Variants in SCARF2 observed in about 807,000 individuals in gnomAD.
SCARF2 encodes the protein scavenger receptor expressed by endothelial cells 2 protein.
SCARF2 carries 39 observed loss-of-function variants against 73.4 expected under a neutral mutation model. The ratio of observed to expected loss-of-function variants is 0.53; its 90% CI spans 0.41 to 0.69. The LOEUF (loss-of-function observed/expected upper bound fraction) is 0.69. Among genes scored for constraint, SCARF2 ranks in the 30% least tolerant of loss-of-function variants. The pLI is 0.00. For synonymous variants in SCARF2, 605 were observed against 590.0 expected (o/e 1.03, Z -0.37); for missense variants, 1,148 against 1,303.5 (o/e 0.88, Z 1.84).
At chr22:20,427,581 G>T (rs370255896) in intron 9 of SCARF2, 31 bp from the exon 10 acceptor site, 2 of 1,610,648 alleles carry the variant, frequency 1.2e-6, no homozygotes, top group Admixed American at 1.7e-5. Flanking sequence ...GCTGCCAGGG[G>T]TCCACTCTGC....
intron 4 of SCARF2, 53 bp downstream of exon 4, chr22:20,430,962 CCAT>C (rs751243718): frequency 1.5e-4 from 227 of 1,563,072 alleles, no homozygotes; most frequent in South Asian, 3.2e-4. Flanking sequence ...ACCCCTGTCC[CCAT>C]CGGCGGCCCG....
chr22:20,433,190 C>T (rs75366319), intron 1 of SCARF2, among the ~76,000 whole-genome samples: 3,514 of 152,164 alleles, frequency 0.023, 151 homozygotes, highest in African/African-American at 0.079. Context: ...AGAGAGGGTT[C>T]GTAGGGGATG....
At chr22:20,437,541 G>C in intron 1 of SCARF2, 41 bp downstream of exon 1, 1 of 1,546,656 alleles carries the variant, frequency 6.5e-7, no homozygotes, top group Non-Finnish European at 8.7e-7. Context: ...ACTGCCCAGA[G>C]CGTCCCTCTC....
intron 9 of SCARF2, among the ~76,000 whole-genome samples, chr22:20,428,760 G>T (rs556200810): frequency 6.6e-6 from 1 of 152,158 alleles, no homozygotes; most frequent in Non-Finnish European, 1.5e-5. Flanking sequence ...CCCCTATCCT[G>T]TTGGTGGGTG....
Position 20,426,174 on chromosome 22 carries a change from G to A in SCARF2, c.1802C>T (p.Pro601Leu). The A allele has an allele frequency of 6.6e-7, 1 of 1,504,736 alleles. No individual in the cohort carries two copies. The highest frequency in any genetic ancestry group is 8.8e-7 in the Non-Finnish European group (1 of 1,132,308). The allele number at this position is 1,504,736 out of a possible 1,614,324, so 93.2% of individuals were successfully genotyped here. The change falls in exon 11 of 11, where the codon CCC becomes CTC. Residue 601 changes from proline to leucine, a missense_variant. Pro to Leu is a moderately conservative substitution (Grantham distance 98). Coordinates refer to ENST00000622235, the MANE Select transcript of SCARF2 (RefSeq NM_182895.5). The part of the protein sequence containing the change: ...TTPASAEEAI[P>L]LPASSDSERS... The stretch of plus-strand genomic sequence containing the variant: ...CTCGCTGTCGGAGGACGCGGGGAGG[G>A]GTATCGCCTCCTCGGCGGAGGCTGG...
Position 20,429,826 on chromosome 22 carries a change from C to G in SCARF2, c.1210G>C (p.Val404Leu), listed in dbSNP as rs1049591052. Reference sequence around the variant, plus strand: ...CCGTGGAGTCCGGGCGGGCACGTCACGTTACAGCTGCCGGGACATAGGGTC... The same window carrying G: ...CCGTGGAGTCCGGGCGGGCACGTCAGGTTACAGCTGCCGGGACATAGGGTC... ...SPGVHGPHCN[V>L]TCPPGLHGAD... The change falls in exon 7 of 11, where the codon GTG (valine) becomes CTG (leucine). Residue 404 changes from valine (V) to leucine (L), a missense_variant. Around this residue, in one of 5 missense-constraint regions of SCARF2, gnomAD observed 372 missense variants for 532.0 expected, o/e 0.70. Coordinates refer to ENST00000622235, the MANE Select transcript of SCARF2 (RefSeq NM_182895.5). The surrounding 1 kb of genome is among the most constrained non-coding windows in gnomAD (Gnocchi z 5.2). 1.2e-6 allele frequency: 2 copies of G among 1,612,708 alleles called. No homozygotes were observed. The highest frequency in any genetic ancestry group is 1.7e-6 in the Non-Finnish European group (2 of 1,179,714).
intron 3 of SCARF2, 23 bp from the exon 4 acceptor site, chr22:20,431,560 G>A: frequency 6.4e-7 from 1 of 1,559,028 alleles, no homozygotes; most frequent in Non-Finnish European, 8.6e-7. Context: ...AGCGGAGGGG[G>A]TGGAAGGCCC....
Position 20,427,385 on chromosome 22 carries a change from G to C in SCARF2, c.1693+13C>G. 6.2e-7 allele frequency: 1 copy of C among 1,614,056 alleles called. No individual in the cohort carries two copies. Among genetic ancestry groups the C allele is most frequent in the South Asian group, 1.1e-5 (1 of 91,058 alleles). Reference sequence around the variant, plus strand: ...ACTGGGCTGGAGTGATGCCCAGGTAGGGCCTTACTTACCCTCATGGGGTAC... The same window carrying C: ...ACTGGGCTGGAGTGATGCCCAGGTACGGCCTTACTTACCCTCATGGGGTAC... On this transcript the variant is annotated intron_variant, in intron 10 of 10. Coordinates refer to ENST00000622235, the MANE Select transcript of SCARF2 (RefSeq NM_182895.5).
At chr22:20,431,566 G>A in intron 3 of SCARF2, 29 bp from the exon 4 acceptor site, 2 of 1,554,130 alleles carry the variant, frequency 1.3e-6, no homozygotes, top group Non-Finnish European at 1.7e-6. Flanking sequence ...GGGGGTGGAA[G>A]GCCCCGGTGC....
In SCARF2 at chr22:20,426,324, C is replaced by A. The variant is rs751339788; in HGVS notation, c.1694-42G>T. 11 of 1,527,376 alleles carry A rather than the reference C, an allele frequency of 7.2e-6. 1 individual carries two copies. In the South Asian group the frequency reaches 1.3e-4, roughly 18 times the overall value. 94.6% of individuals were successfully genotyped at this position (1,527,376 alleles called of 1,614,324 possible). ...AGGGCGGTCACAGCCTTCAGGAATA[C>A]CTTTAGGGGCTCCAACCTCCAGGCG... On this transcript the variant is annotated intron_variant, in intron 10 of 10. Coordinates refer to ENST00000622235, the MANE Select transcript of SCARF2 (RefSeq NM_182895.5).
intron 1 of SCARF2, 84 bp from the exon 2 acceptor site, chr22:20,432,072 G>C (rs746362616): frequency 3.7e-6 from 5 of 1,362,976 alleles, no homozygotes; most frequent in Non-Finnish European, 4.1e-6. Flanking sequence ...CCTCCGCACA[G>C]CCTCCCTGCC....
In SCARF2 at chr22:20,424,595, G is replaced by A. The variant is rs982981651; in HGVS notation, c.*780C>T. 1.3e-5 allele frequency among the ~76,000 whole-genome samples: 2 copies of A among 152,240 alleles called. No individual in the cohort carries two copies. The highest frequency in any genetic ancestry group is 2.4e-5 in the African/African-American group (1 of 41,470). ...AAGTGATCAGAGCATGAGGGGAAAG[G>A]CATTTTATTAAGAAAGCTTTGGCCA... On this transcript the variant is annotated 3_prime_UTR_variant, in exon 11 of 11. Coordinates refer to ENST00000622235, the MANE Select transcript of SCARF2 (RefSeq NM_182895.5).
chr22:20,430,448 G>C lies in SCARF2; in HGVS notation c.1183C>G (p.Pro395Ala). The part of the protein sequence containing the change: ...DFQSGRCLCS[P>A]GVHGPHCNVT... The stretch of plus-strand genomic sequence containing the variant: ...ACTCACTGGGGCCCGTGGACGCCAG[G>C]GCTGCACAGGCAGCGCCCCGACTGG... The change falls in exon 6 of 11, where the codon CCT becomes GCT. Residue 395 changes from proline (P) to alanine (A), a missense_variant. Physicochemically the swap from Pro to Ala is conservative, Grantham distance 27. This residue lies in a region of SCARF2 where 372 missense variants were observed against 532.0 expected (regional missense o/e 0.70). Transcript: ENST00000622235. 6.3e-7 allele frequency: 1 copy of C among 1,592,468 alleles called. No individual in the cohort carries two copies. The highest frequency in any genetic ancestry group is 8.5e-7 in the Non-Finnish European group (1 of 1,170,310).
At chr22:20,427,325 C>T (rs1226399649) in intron 10 of SCARF2, 73 bp downstream of exon 10, 4 of 1,579,386 alleles carry the variant, frequency 2.5e-6, no homozygotes, top group Non-Finnish European at 2.6e-6. Flanking sequence ...CTCCTGTGTC[C>T]CACCCAGAAC....
At position 20,432,078 on chromosome 22, in the gene SCARF2, C is replaced by T. The variant is rs1160981380; in HGVS notation, c.174-90G>A. On this transcript the variant is annotated intron_variant, in intron 1 of 10. Coordinates refer to ENST00000622235, the MANE Select transcript of SCARF2 (RefSeq NM_182895.5). ...CCTCCGCAGCCTCCGCACAGCCTCCCTGCCTCTGCAGTTGCGCTCCTGTCC... is the reference window on the plus strand; with the variant it reads ...CCTCCGCAGCCTCCGCACAGCCTCCTTGCCTCTGCAGTTGCGCTCCTGTCC... The T allele has an allele frequency of 4.4e-6, 6 of 1,349,690 alleles. No individual in the cohort carries two copies. The East Asian group carries it at 1.5e-4, about 33-fold the overall frequency. 83.6% of individuals were successfully genotyped at this position (1,349,690 alleles called of 1,614,324 possible).
rs752176793 is a variant in SCARF2, at chr22:20,425,429, C to T, written c.2547G>A (p.Lys849=). 2.1e-6 allele frequency: 3 copies of T among 1,431,294 alleles called. No individual in the cohort carries two copies. Among genetic ancestry groups the T allele is most frequent in the African/African-American group, 1.5e-5 (1 of 68,184 alleles). The allele number at this position is 1,431,294 out of a possible 1,614,324, so 88.7% of individuals were successfully genotyped here. A position where few individuals can be genotyped will look rare whatever the true frequency, so the allele number is the denominator to read the frequency against. ...GCTCGCCCGCCGCCTCCCGGCTCTT[C>T]TTGCGCGGCGGCTTCTGGATGGGGG... The part of the protein sequence containing the change: ...KKTPIQKPPR[K]KSREAAGELG... Residue 849 remains lysine (K), a synonymous_variant, in exon 11 of 11, where the codon AAG becomes AAA. Coordinates refer to ENST00000622235, the MANE Select transcript of SCARF2 (RefSeq NM_182895.5). This position sits in a 1 kb window ranked among gnomAD's most constrained non-coding sequence, Gnocchi z 4.6.
intron 1 of SCARF2, among the ~76,000 whole-genome samples, chr22:20,435,242 C>T (rs114366243): frequency 0.01 from 1,575 of 152,296 alleles, 31 homozygotes; most frequent in African/African-American, 0.036. Flanking sequence ...TTGTCTACAC[C>T]AGATCCATTG....
chr22:20,430,682 C>T lies in SCARF2; in HGVS notation c.1073+8G>A. Reference sequence around the variant, plus strand: ...CGTGTCTGGGCCGACGCAGGCAGGGCTGCTCACCGGTCGCCGATCCAGCCC... The same window carrying T: ...CGTGTCTGGGCCGACGCAGGCAGGGTTGCTCACCGGTCGCCGATCCAGCCC... On this transcript the variant is annotated splice_region_variant and intron_variant, in intron 5 of 10. Transcript: ENST00000622235. 1.3e-6 allele frequency: 2 copies of T among 1,596,982 alleles called. No homozygotes were observed. Among genetic ancestry groups the T allele is most frequent in the Non-Finnish European group, 1.7e-6 (2 of 1,172,594 alleles).
In SCARF2 at chr22:20,429,122, C is replaced by A. The variant is rs1014360538; in HGVS notation, c.1540+103G>T. 5.5e-6 allele frequency: 8 copies of A among 1,463,522 alleles called. 1 individual carries two copies. The highest frequency in any genetic ancestry group is 4.6e-5 in the South Asian group (4 of 86,024). The allele number at this position is 1,463,522 out of a possible 1,614,324, so 90.7% of individuals were successfully genotyped here. A position where few individuals can be genotyped will look rare whatever the true frequency, so the allele number is the denominator to read the frequency against. On this transcript the variant is annotated intron_variant, in intron 9 of 10. Transcript: ENST00000622235. The surrounding 1 kb of genome is among the most constrained non-coding windows in gnomAD (Gnocchi z 5.2). ...GCCCACGCACATCAACACTCAAGGT[C>A]CCCCATTTCCTCACTGAGATCTGGA...
Sources: allele counts gnomAD v4.1 joint callset (sites outside exome capture counted in the v4.1 genomes callset), GRCh38; gene constraint gnomAD v4.1.1; regional missense constraint gnomAD v4.1.1; non-coding constraint Gnocchi (gnomAD v3.1); transcripts MANE v1.5; gene names NCBI Gene and HGNC (gene_info 2026-07-23, HGNC 2026-07-21).